Variants in ZAP70 observed in about 807,000 individuals in gnomAD.
ZAP70 encodes tyrosine-protein kinase ZAP-70.
A neutral mutation model predicts 65.8 loss-of-function variants in ZAP70; 27 were observed. That is an observed-to-expected ratio of 0.41 (90% CI 0.30 to 0.57). The LOEUF (loss-of-function observed/expected upper bound fraction) is 0.57, where lower values mean the gene tolerates loss of function less well. Ranked by LOEUF, ZAP70 falls within the 20% of genes least tolerant of loss-of-function variation. ZAP70 has a pLI of 0.28. For synonymous variants in ZAP70, 363 were observed against 360.8 expected (o/e 1.01, Z -0.07); for missense variants, 696 against 870.5 (o/e 0.80, Z 2.52).
rs796509420 is a variant in ZAP70, at chr2:97,721,580, ATTTTT to A, written c.-21-2415_-21-2411del. The stretch of plus-strand genomic sequence containing the variant: ...AGGCGCCCGCCACCATGGCTGGCTG[ATTTTT>A]TTTTTTTTTTTTTTTTTTTTGTATT... On this transcript the variant is annotated intron_variant, in intron 2 of 13. Transcript: ENST00000264972. Among the ~76,000 whole-genome samples the A allele has an allele frequency of 4.1e-4, 33 of 81,166 alleles. No individual in the cohort carries two copies. In the Admixed American group the frequency reaches 4.7e-3, roughly 11 times the overall value. 53.2% of individuals were successfully genotyped at this position (81,166 alleles called of 152,430 possible). A position where few individuals can be genotyped will look rare whatever the true frequency, so the allele number is the denominator to read the frequency against.
chr2:97,747,815 GTTTTTTTTTTTTTTTTTT>G, the ZAP70 span, among the ~76,000 whole-genome samples: 549 of 54,878 alleles, frequency 0.01, 15 homozygotes, highest in East Asian at 0.14. Context: ...CTGGCACGAG[GTTTTTTTTTTTTTTTTTT>G]TTTTTTTTTT....
the ZAP70 span, among the ~76,000 whole-genome samples, chr2:97,751,241 C>T: frequency 6.6e-5 from 10 of 152,166 alleles, no homozygotes; most frequent in Non-Finnish European, 1.2e-4. Flanking sequence ...CAATAAATTT[C>T]GTGTCTTTGT....
chr2:97,741,053 CAT>C (rs1271899600), downstream of ZAP70, among the ~76,000 whole-genome samples: 1 of 152,172 alleles, frequency 6.6e-6, no homozygotes, highest in Non-Finnish European at 1.5e-5. Flanking sequence ...GCATTAAGCA[CAT>C]GATTTACAGC....
At chr2:97,723,725 G>A (rs1677250070) in intron 2 of ZAP70, among the ~76,000 whole-genome samples, 1 of 152,378 alleles carries the variant, frequency 6.6e-6, no homozygotes, top group African/African-American at 2.4e-5. Context: ...ACGTGGTTGG[G>A]ACATGAAGAG....
chr2:97,725,860 C>A (rs34149969), intron 4 of ZAP70, among the ~76,000 whole-genome samples: 43,377 of 151,944 alleles, frequency 0.29, 8,382 homozygotes, highest in Non-Finnish European at 0.39. Flanking sequence ...ATGGCAAGTG[C>A]AAAGATCAGG....
At chr2:97,735,042 C>G in intron 9 of ZAP70, 1 of 676,756 alleles carries the variant, frequency 1.5e-6, no homozygotes, top group East Asian at 2.7e-5. Flanking sequence ...TGGCGATGGG[C>G]TGTTCCCGGT....
chr2:97,725,230 G>A lies in ZAP70; in HGVS notation c.541G>A (p.Ala181Thr). 1 of 1,613,762 alleles carries A rather than the reference G, an allele frequency of 6.2e-7. No individual in the cohort carries two copies. Among genetic ancestry groups the A allele is most frequent in the Non-Finnish European group, 8.5e-7 (1 of 1,179,658 alleles). ...GGCCGAGCGCAAACTTTACTCTGGG[G>A]CGCAGACCGACGGCAAGTTCCTGTA... ...EEAERKLYSG[A>T]QTDGKFLLRP... The change falls in exon 4 of 14, where the codon GCG becomes ACG. Residue 181 changes from alanine to threonine, a missense_variant. Around this residue, in one of 3 missense-constraint regions of ZAP70, gnomAD observed 551 missense variants for 630.0 expected, o/e 0.87. Coordinates refer to ENST00000264972, the MANE Select transcript of ZAP70 (RefSeq NM_001079.4).
At chr2:97,714,239 C>T (rs1312193519) in intron 2 of ZAP70, among the ~76,000 whole-genome samples, 7 of 152,108 alleles carry the variant, frequency 4.6e-5, no homozygotes. Flanking sequence ...CACGGTGAGG[C>T]CTGCTCAGTC....
the ZAP70 span, among the ~76,000 whole-genome samples, chr2:97,748,860 C>T: frequency 6.7e-6 from 1 of 149,030 alleles, no homozygotes; most frequent in South Asian, 2.1e-4. Context: ...CTCCTGAAAG[C>T]GGAGCCACAG....
At chr2:97,742,259 G>T (rs1443791170), downstream of ZAP70, among the ~76,000 whole-genome samples, 1 of 152,212 alleles carries the variant, frequency 6.6e-6, no homozygotes, top group Non-Finnish European at 1.5e-5. Context: ...CTAGCATTGG[G>T]TTTTACCATT....
chr2:97,739,928 A>G (rs948519096), downstream of ZAP70: 2 of 203,132 alleles, frequency 9.8e-6, no homozygotes, highest in South Asian at 8.3e-5. Flanking sequence ...TGAAAAGTGC[A>G]TGGAGGTGAC....
rs1677881048 is a variant in ZAP70 at position 97,736,374 on chromosome 2, C to G, written c.1289+918C>G. 6.6e-6 allele frequency among the ~76,000 whole-genome samples: 1 copy of G among 152,246 alleles called. No individual in the cohort carries two copies. The highest frequency in any genetic ancestry group is 2.4e-5 in the African/African-American group (1 of 41,470). ...GCACGTTTTTGCTGATCTGTGCCCT[C>G]TGGCTGGTGCACACACCTTCCCAGT... On this transcript the variant is annotated intron_variant, in intron 10 of 13. Coordinates refer to ENST00000264972, the MANE Select transcript of ZAP70 (RefSeq NM_001079.4). This position sits in a 1 kb window ranked among gnomAD's most constrained non-coding sequence, Gnocchi z 4.0.
intron 2 of ZAP70, among the ~76,000 whole-genome samples, chr2:97,716,911 C>T (rs955593473): frequency 1.2e-4 from 19 of 152,202 alleles, no homozygotes; most frequent in African/African-American, 3.6e-4. Flanking sequence ...CCCTGCTTTC[C>T]GGAGGAGGTC....
intron 4 of ZAP70, among the ~76,000 whole-genome samples, chr2:97,730,350 CAT>C (rs1445874445): frequency 5.3e-5 from 8 of 152,164 alleles, no homozygotes; most frequent in Admixed American, 4.6e-4. Flanking sequence ...TGAGCTTACT[CAT>C]GTGGCCACAG....
intron 8 of ZAP70, chr2:97,734,080 G>A (rs1287969831): frequency 3.6e-6 from 1 of 281,566 alleles, no homozygotes; most frequent in African/African-American, 2.2e-5. Context: ...TGTTTCTCAT[G>A]GGTGGGCCCA....
At chr2:97,751,405 G>C in the ZAP70 span, among the ~76,000 whole-genome samples, 4 of 152,206 alleles carry the variant, frequency 2.6e-5, no homozygotes. Flanking sequence ...ACAGTGGCAT[G>C]TTATGAATTC....
At chr2:97,754,263 C>A in the ZAP70 span, among the ~76,000 whole-genome samples, 1 of 151,958 alleles carries the variant, frequency 6.6e-6, no homozygotes, top group Non-Finnish European at 1.5e-5. Context: ...AGCCTGCTGG[C>A]GAGGCTCATG....
the ZAP70 span, among the ~76,000 whole-genome samples, chr2:97,747,865 C>T: frequency 2.5e-5 from 3 of 120,458 alleles, no homozygotes; most frequent in Admixed American, 1.0e-4. Flanking sequence ...GGTGACTGGC[C>T]GAGCCATCTG....
At chr2:97,746,390 ACT>A in the ZAP70 span, among the ~76,000 whole-genome samples, 1 of 152,136 alleles carries the variant, frequency 6.6e-6, no homozygotes, top group Non-Finnish European at 1.5e-5. Context: ...ATATACAGTT[ACT>A]CTCTGTAAGT....
Sources: allele counts gnomAD v4.1 joint callset (sites outside exome capture counted in the v4.1 genomes callset), GRCh38; gene constraint gnomAD v4.1.1; regional missense constraint gnomAD v4.1.1; non-coding constraint Gnocchi (gnomAD v3.1); transcripts MANE v1.5; gene names NCBI Gene and HGNC (gene_info 2026-07-23, HGNC 2026-07-21).